Variants in PDE4B observed in about 807,000 individuals in gnomAD.
PDE4B encodes phosphodiesterase 4B.
PDE4B carries 20 observed loss-of-function variants against 82.2 expected under a neutral mutation model. The observed-to-expected ratio is 0.24, with a 90% CI of 0.17 to 0.35. The LOEUF (loss-of-function observed/expected upper bound fraction) is 0.35, where lower values mean the gene tolerates loss of function less well. PDE4B is among the 10% of genes least tolerant of loss of function. The pLI, the probability that PDE4B is intolerant of heterozygous loss-of-function variation, is 1.00. For missense variants in PDE4B, 655 were observed against 907.2 expected, an observed-to-expected ratio of 0.72 and a Z score of 3.57; for synonymous variants, 320 against 318.9, an observed-to-expected ratio of 1.00 and a Z score of -0.04.
chr1:66,011,520 CA>C (rs1652486017), intron 3 of PDE4B, among the ~76,000 whole-genome samples: 1 of 151,956 alleles, frequency 6.6e-6, no homozygotes, highest in Non-Finnish European at 1.5e-5. Flanking sequence ...AAGAGTATCA[CA>C]ATGGTAAATT....
At chr1:66,062,277 G>T (rs1434241840) in intron 3 of PDE4B, among the ~76,000 whole-genome samples, 1 of 152,084 alleles carries the variant, frequency 6.6e-6, no homozygotes, top group African/African-American at 2.4e-5. Context: ...TAAACTCATT[G>T]GTGCTAATCT....
At chr1:66,196,414 G>A (rs1648300881) in intron 3 of PDE4B, among the ~76,000 whole-genome samples, 1 of 152,214 alleles carries the variant, frequency 6.6e-6, no homozygotes, top group Non-Finnish European at 1.5e-5. Flanking sequence ...CCTAGGCACA[G>A]AAGGGTTCAG....
intron 3 of PDE4B, among the ~76,000 whole-genome samples, chr1:65,944,887 G>A (rs1296943070): frequency 1.3e-5 from 2 of 151,880 alleles, no homozygotes; most frequent in African/African-American, 4.8e-5. Context: ...ACCACTCAAA[G>A]CTATAGCTGC....
chr1:66,237,319 A>G (rs1652535468), intron 3 of PDE4B, among the ~76,000 whole-genome samples: 1 of 152,222 alleles, frequency 6.6e-6, no homozygotes, highest in Admixed American at 6.5e-5. Flanking sequence ...TTCCAATTTT[A>G]TGATTATTAT....
At chr1:65,949,176 A>C (rs902676812) in intron 3 of PDE4B, among the ~76,000 whole-genome samples, 1 of 152,010 alleles carries the variant, frequency 6.6e-6, no homozygotes, top group Non-Finnish European at 1.5e-5. Flanking sequence ...CCACTACCAT[A>C]ACAATATCTC....
chr1:65,954,913 CTT>C (rs2100580790), intron 3 of PDE4B, among the ~76,000 whole-genome samples: 1 of 151,856 alleles, frequency 6.6e-6, no homozygotes, highest in African/African-American at 2.4e-5. Flanking sequence ...TTTGCAAAGA[CTT>C]TGTATTTTTT....
At chr1:65,803,509 T>C (rs536711792) in intron 1 of PDE4B, among the ~76,000 whole-genome samples, 11 of 152,362 alleles carry the variant, frequency 7.2e-5, no homozygotes, top group African/African-American at 2.6e-4. Context: ...AGTTCTTGCA[T>C]TGAAATATCA....
intron 3 of PDE4B, among the ~76,000 whole-genome samples, chr1:66,088,699 G>T (rs1008900748): frequency 1.3e-5 from 2 of 152,004 alleles, no homozygotes; most frequent in African/African-American, 4.8e-5. Flanking sequence ...CAGAACTTGG[G>T]CTTCAGAGCC....
intron 8 of PDE4B, among the ~76,000 whole-genome samples, chr1:66,338,120 A>G (rs1660665894): frequency 6.6e-6 from 1 of 152,240 alleles, no homozygotes; most frequent in South Asian, 2.1e-4. Context: ...TCTGTAATCA[A>G]TATTCACAGT....
intron 1 of PDE4B, among the ~76,000 whole-genome samples, chr1:65,910,026 A>T (rs1647072293): frequency 6.6e-6 from 1 of 152,216 alleles, no homozygotes; most frequent in Admixed American, 6.5e-5. Flanking sequence ...TTAGAACAAG[A>T]ATGTTCTGGT....
intron 8 of PDE4B, among the ~76,000 whole-genome samples, chr1:66,348,504 A>T (rs1240675471): frequency 6.6e-6 from 1 of 152,094 alleles, no homozygotes; most frequent in Non-Finnish European, 1.5e-5. Context: ...TACGTTTCTC[A>T]TTGGAAGAAA....
intron 3 of PDE4B, among the ~76,000 whole-genome samples, chr1:66,009,016 A>T (rs1420383730): frequency 1.3e-5 from 2 of 152,064 alleles, no homozygotes; most frequent in Non-Finnish European, 2.9e-5. Context: ...TGAACTCTAG[A>T]TCTATGTCTC....
At chr1:65,840,834 G>T (rs1304529167) in intron 1 of PDE4B, among the ~76,000 whole-genome samples, 1 of 152,162 alleles carries the variant, frequency 6.6e-6, no homozygotes, top group African/African-American at 2.4e-5. Flanking sequence ...ATATCCCCTT[G>T]TCGCATTGAA....
intron 7 of PDE4B, among the ~76,000 whole-genome samples, chr1:66,301,033 G>T (rs532567872): frequency 5.3e-4 from 80 of 152,266 alleles, no homozygotes; most frequent in African/African-American, 1.9e-3. Flanking sequence ...ATGTATGTGT[G>T]TGTGTGTTTA....
chr1:66,247,009 TGACAGGAAGAAGTCTTCCA>T (rs1332944773), intron 3 of PDE4B, among the ~76,000 whole-genome samples: 2 of 152,220 alleles, frequency 1.3e-5, no homozygotes, highest in African/African-American at 4.8e-5. Context: ...TATTTATTCA[TGACAGGAAGAAGTCTTCCA>T]GACAGGAAGA....
At chr1:65,807,541 T>C (rs2101184617) in intron 1 of PDE4B, among the ~76,000 whole-genome samples, 1 of 152,312 alleles carries the variant, frequency 6.6e-6, no homozygotes, top group Non-Finnish European at 1.5e-5. Flanking sequence ...TGACATAAAC[T>C]TTTCTTCCAG....
intron 8 of PDE4B, among the ~76,000 whole-genome samples, chr1:66,347,488 G>T (rs950447428): frequency 6.6e-6 from 1 of 152,152 alleles, no homozygotes; most frequent in African/African-American, 2.4e-5. Context: ...TATCAAAACA[G>T]ATAATAATAT....
At chr1:66,025,210 A>G (rs1653368757) in intron 3 of PDE4B, among the ~76,000 whole-genome samples, 1 of 152,150 alleles carries the variant, frequency 6.6e-6, no homozygotes, top group Non-Finnish European at 1.5e-5. Flanking sequence ...AAGTTTTTCA[A>G]AAAATAGGCT....
chr1:66,200,858 C>T (rs1440981168), intron 3 of PDE4B, among the ~76,000 whole-genome samples: 2 of 152,082 alleles, frequency 1.3e-5, no homozygotes, highest in African/African-American at 4.8e-5. Context: ...ACCTAATTGC[C>T]CTGGCCAGAA....
Sources: allele counts gnomAD v4.1 joint callset (sites outside exome capture counted in the v4.1 genomes callset), GRCh38; gene constraint gnomAD v4.1.1; transcripts MANE v1.5; gene names NCBI Gene and HGNC (gene_info 2026-07-23, HGNC 2026-07-21).